Variants in SYT16 observed in about 807,000 individuals in gnomAD.
The protein encoded by SYT16 is synaptotagmin-16.
SYT16 carries 42 observed loss-of-function variants against 61.4 expected under a neutral mutation model. The observed-to-expected ratio is 0.68, with a 90% CI of 0.53 to 0.89. SYT16 has a LOEUF of 0.89. Ranked by LOEUF, SYT16 falls within the 40% of genes least tolerant of loss-of-function variation. The pLI, the probability that SYT16 is intolerant of heterozygous loss-of-function variation, is 0.00. For synonymous variants in SYT16, 314 were observed against 302.3 expected, an observed-to-expected ratio of 1.04 and a Z score of -0.40; for missense variants, 804 against 807.3, an observed-to-expected ratio of 1.00 and a Z score of 0.05.
intron 3 of SYT16, among the ~76,000 whole-genome samples, chr14:62,038,517 G>A (rs554136883): frequency 2.5e-4 from 38 of 152,206 alleles, no homozygotes; most frequent in African/African-American, 7.0e-4. Flanking sequence ...TTACACATCC[G>A]TCTGCTTAAT....
rs8017889 is a variant in SYT16, at chr14:62,069,494, C to T, written c.524-109C>T. Reference sequence around the variant, plus strand: ...TTTCTATCCAGTTTGAGTGTGCCTTCGTTCAAACTCATTGTCCACGTTCTT... The same window carrying T: ...TTTCTATCCAGTTTGAGTGTGCCTTTGTTCAAACTCATTGTCCACGTTCTT... On this transcript the variant is annotated intron_variant, in intron 3 of 7. Coordinates refer to ENST00000683842, the MANE Select transcript of SYT16 (RefSeq NM_001367656.1). The T allele has an allele frequency of 9.9e-3, 11,085 of 1,120,642 alleles. 735 individuals are homozygous for T. The African/African-American group carries it at 0.15, about 15-fold the overall frequency. The allele number at this position is 1,120,642 out of a possible 1,614,324, so 69.4% of individuals were successfully genotyped here.
upstream of SYT16, chr14:61,812,648 CGGCGCGGCGCGGCGGG>C (rs1023889331): frequency 1.4e-5 from 2 of 146,262 alleles, no homozygotes; most frequent in African/African-American, 4.9e-5. Context: ...CGGCGCGGGG[CGGCGCGGCGCGGCGGG>C]GGCGCGCGGC....
At chr14:61,958,024 C>T (rs1235910849) in intron 1 of SYT16, among the ~76,000 whole-genome samples, 1 of 151,488 alleles carries the variant, frequency 6.6e-6, no homozygotes, top group South Asian at 2.1e-4. Context: ...TTAGGTAGGT[C>T]GTATATTGTT....
chr14:61,853,493 A>G (rs925501646), intron 1 of SYT16, among the ~76,000 whole-genome samples: 3 of 152,172 alleles, frequency 2.0e-5, no homozygotes, highest in African/African-American at 7.2e-5. Flanking sequence ...ATAAATGGGA[A>G]TAGTGCTAAG....
At chr14:61,855,941 A>T (rs758837165) in intron 1 of SYT16, among the ~76,000 whole-genome samples, 10 of 152,256 alleles carry the variant, frequency 6.6e-5, no homozygotes, top group Non-Finnish European at 1.5e-4. Context: ...ATTTAAAATT[A>T]ACATGTGAAT....
At chr14:62,003,722 G>A (rs1196146155) in intron 3 of SYT16, among the ~76,000 whole-genome samples, 1 of 152,128 alleles carries the variant, frequency 6.6e-6, no homozygotes, top group Non-Finnish European at 1.5e-5. Flanking sequence ...TGTTTGGGCT[G>A]AGGGATAATT....
intron 1 of SYT16, among the ~76,000 whole-genome samples, chr14:61,945,143 A>G (rs1157026722): frequency 6.6e-6 from 1 of 152,252 alleles, no homozygotes; most frequent in Non-Finnish European, 1.5e-5. Context: ...AAAGCTCATC[A>G]TCACTGGTCA....
chr14:61,908,333 C>T (rs2048802627), intron 1 of SYT16, among the ~76,000 whole-genome samples: 1 of 152,184 alleles, frequency 6.6e-6, no homozygotes, highest in African/African-American at 2.4e-5. Flanking sequence ...GAATTATCTT[C>T]CATTCATTAG....
intron 1 of SYT16, among the ~76,000 whole-genome samples, chr14:61,834,862 A>G (rs1381849051): frequency 6.6e-6 from 1 of 152,204 alleles, no homozygotes. Context: ...CTGTATTCCA[A>G]TTACCTGTTG....
Position 61,889,016 on chromosome 14 carries a change from A to T in SYT16, c.-325+76206A>T, listed in dbSNP as rs755722296. Among the ~76,000 whole-genome samples, 18 of 152,164 alleles carry T rather than the reference A, an allele frequency of 1.2e-4. 1 individual carries two copies. Among genetic ancestry groups the T allele is most frequent in the South Asian group, 4.2e-4 (2 of 4,812 alleles). On this transcript the variant is annotated intron_variant, in intron 1 of 7. Coordinates refer to ENST00000683842, the MANE Select transcript of SYT16 (RefSeq NM_001367656.1). The stretch of plus-strand genomic sequence containing the variant: ...GTCATAATAGTCATTGCATAAAATA[A>T]GGTATTTAGAGCTGTTAAAGAAAAA...
intron 1 of SYT16, among the ~76,000 whole-genome samples, chr14:61,841,803 A>G (rs2046308280): frequency 6.6e-6 from 1 of 152,198 alleles, no homozygotes; most frequent in Admixed American, 6.5e-5. Context: ...GTTCCTTAAG[A>G]TAATGGCCTC....
intron 1 of SYT16, among the ~76,000 whole-genome samples, chr14:61,879,595 C>T (rs145851872): frequency 6.6e-6 from 1 of 152,272 alleles, no homozygotes; most frequent in East Asian, 1.9e-4. Context: ...TTTTAAGGTA[C>T]CTGCTCTCCG....
chr14:61,812,239 A>G (rs1179736646), upstream of SYT16: 3 of 152,394 alleles, frequency 2.0e-5, no homozygotes, highest in African/African-American at 7.2e-5. Context: ...AATGCCCAGC[A>G]CCTGGCTCAT....
intron 3 of SYT16, among the ~76,000 whole-genome samples, chr14:62,043,360 G>C (rs1052252239): frequency 6.7e-6 from 1 of 149,654 alleles, no homozygotes; most frequent in African/African-American, 2.5e-5. Context: ...AGTTTGTTAA[G>C]ACTTTCTTTT....
At chr14:62,086,418 T>C (rs1199190005) in intron 7 of SYT16, among the ~76,000 whole-genome samples, 2 of 152,274 alleles carry the variant, frequency 1.3e-5, no homozygotes, top group African/African-American at 4.8e-5. Context: ...AGGTGGAGGT[T>C]GCAGTGAGCC....
intron 1 of SYT16, among the ~76,000 whole-genome samples, chr14:61,903,831 C>A (rs1308351615): frequency 6.6e-6 from 1 of 152,170 alleles, no homozygotes; most frequent in Non-Finnish European, 1.5e-5. Flanking sequence ...TGCTAGCTGC[C>A]AGCCAGTGGC....
chr14:62,076,830 G>T (rs573810330), intron 5 of SYT16, among the ~76,000 whole-genome samples: 2 of 152,200 alleles, frequency 1.3e-5, no homozygotes, highest in African/African-American at 4.8e-5. Flanking sequence ...TGGTGATTGT[G>T]CCATGAGGCT....
At chr14:62,037,979 C>G (rs540597605) in intron 3 of SYT16, among the ~76,000 whole-genome samples, 1 of 152,228 alleles carries the variant, frequency 6.6e-6, no homozygotes, top group South Asian at 2.1e-4. Flanking sequence ...CAGGCTTGAG[C>G]CTGGCATGTC....
At chr14:61,979,946 A>C (rs186534741) in intron 2 of SYT16, among the ~76,000 whole-genome samples, 2 of 152,346 alleles carry the variant, frequency 1.3e-5, no homozygotes, top group Admixed American at 1.3e-4. Context: ...AGTAAGTTTT[A>C]GAATTAAGTT....
Sources: gnomAD v4.1 joint callset for allele counts (sites outside exome capture counted in the v4.1 genomes callset) on GRCh38, gnomAD v4.1.1 for gene constraint, MANE v1.5 for transcripts, NCBI Gene and HGNC (gene_info 2026-07-23, HGNC 2026-07-21) for gene names.